The following PACRGL variants were observed in gnomAD, a reference collection of about 807,000 sequenced individuals.
PACRGL encodes PACRG-like protein.
Under a neutral mutation model 34.5 loss-of-function variants are expected in PACRGL, and 38 were observed. That is an observed-to-expected ratio of 1.10 (90% CI 0.85 to 1.44). The LOEUF is 1.44. Among genes scored for constraint, PACRGL ranks in the 40% most tolerant of loss-of-function variants. PACRGL has a pLI of 0.00. For missense variants in PACRGL, 305 were observed against 281.4 expected (o/e 1.08, Z -0.60); for synonymous variants, 128 against 100.1 (o/e 1.28, Z -1.66).
At chr4:20,735,119 C>CAAT (rs1560410650), downstream of PACRGL, among the ~76,000 whole-genome samples, 21 of 151,708 alleles carry the variant, frequency 1.4e-4, no homozygotes, top group African/African-American at 5.1e-4. Flanking sequence ...AATGAAAAAC[C>CAAT]GTTTGCTAAT....
chr4:20,736,059 C>T (rs553779924), downstream of PACRGL, among the ~76,000 whole-genome samples: 1 of 152,112 alleles, frequency 6.6e-6, no homozygotes, highest in Non-Finnish European at 1.5e-5. Flanking sequence ...CCATATAGTT[C>T]AACATTTAAA....
chr4:20,697,309 G>T (rs988277164), upstream of PACRGL, among the ~76,000 whole-genome samples: 2 of 152,100 alleles, frequency 1.3e-5, no homozygotes, highest in Non-Finnish European at 2.9e-5. Context: ...AAAAGGCAGA[G>T]ATTTTCTTTA....
intron 8 of PACRGL, among the ~76,000 whole-genome samples, chr4:20,751,672 C>G (rs898571312): frequency 6.6e-6 from 1 of 151,996 alleles, no homozygotes; most frequent in Non-Finnish European, 1.5e-5. Context: ...CTCAAAACAA[C>G]GATGTTTGCT....
At chr4:20,709,845 CTTGTCAGTAA>C in intron 5 of PACRGL, 72 bp downstream of exon 5, 1 of 1,281,656 alleles carries the variant, frequency 7.8e-7, no homozygotes, top group African/African-American at 1.5e-5. Flanking sequence ...TACTTTGTAG[CTTGTCAGTAA>C]ATTTCATTCT....
intron 8 of PACRGL, among the ~76,000 whole-genome samples, chr4:20,748,588 A>AAATG (rs1418878450): frequency 1.2e-5 from 1 of 85,184 alleles, no homozygotes; most frequent in Non-Finnish European, 2.7e-5. Flanking sequence ...ATATATATAT[A>AAATG]TATATATATA....
chr4:20,760,171 T>A, the PACRGL span, among the ~76,000 whole-genome samples: 2 of 152,158 alleles, frequency 1.3e-5, no homozygotes, highest in African/African-American at 4.8e-5. Context: ...TAGTCTCTTT[T>A]AGTAGATTCT....
intron 3 of PACRGL, among the ~76,000 whole-genome samples, chr4:20,706,908 G>A (rs180897474): frequency 2.7e-4 from 41 of 152,048 alleles, no homozygotes; most frequent in African/African-American, 8.9e-4. Flanking sequence ...TAATTTGAAC[G>A]AATTTTCTCC....
intron 7 of PACRGL, among the ~76,000 whole-genome samples, chr4:20,722,669 A>G (rs552483687): frequency 2.0e-4 from 31 of 152,314 alleles, no homozygotes; most frequent in African/African-American, 7.0e-4. Flanking sequence ...CCTGTGAACC[A>G]AAGTTCCCAT....
chr4:20,764,029 G>A, the PACRGL span, among the ~76,000 whole-genome samples: 1 of 152,120 alleles, frequency 6.6e-6, no homozygotes, highest in Non-Finnish European at 1.5e-5. Flanking sequence ...GAAGCAGTAG[G>A]GTTCCTGGGT....
At chr4:20,713,318 GT>G in intron 6 of PACRGL, 113 bp from the exon 7 acceptor site, 1 of 729,854 alleles carries the variant, frequency 1.4e-6, no homozygotes, top group Non-Finnish European at 2.3e-6. Flanking sequence ...GATTGTAGAT[GT>G]TTAATCTTAT....
At chr4:20,712,945 C>G (rs1178905019) in intron 6 of PACRGL, 23 bp downstream of exon 6, 2 of 1,487,158 alleles carry the variant, frequency 1.3e-6, no homozygotes, top group Admixed American at 4.5e-5. Flanking sequence ...TTTCATTGTA[C>G]TTTATATTTG....
chr4:20,765,353 G>C, the PACRGL span, among the ~76,000 whole-genome samples: 59 of 152,272 alleles, frequency 3.9e-4, no homozygotes, highest in Admixed American at 7.2e-4. Context: ...TGTACACGGT[G>C]TATTTGTACC....
chr4:20,729,215 T>G lies in PACRGL; in HGVS notation c.*1874T>G, dbSNP rs1239008030. The G allele has an allele frequency of 6.6e-6, 1 of 151,834 alleles. No homozygotes were observed. Among genetic ancestry groups the G allele is most frequent in the Non-Finnish European group, 1.5e-5 (1 of 68,016 alleles). 9.4% of individuals were successfully genotyped at this position (151,834 alleles called of 1,614,324 possible). A position where few individuals can be genotyped will look rare whatever the true frequency, so the allele number is the denominator to read the frequency against. On this transcript the variant is annotated 3_prime_UTR_variant, in exon 9 of 9. Coordinates refer to ENST00000503585, the MANE Select transcript of PACRGL (RefSeq NM_001258345.3). The stretch of plus-strand genomic sequence containing the variant: ...TTAATGCTGTTAGGATTACTTGTTA[T>G]TAAGCATTACTATATACTGGAGGAT...
upstream of PACRGL, among the ~76,000 whole-genome samples, chr4:20,697,284 T>C (rs1302401250): frequency 6.6e-6 from 1 of 152,216 alleles, no homozygotes; most frequent in African/African-American, 2.4e-5. Flanking sequence ...GATTGCTTTG[T>C]CTGTAATTTG....
the PACRGL span, among the ~76,000 whole-genome samples, chr4:20,763,271 T>C: frequency 6.6e-6 from 1 of 152,196 alleles, no homozygotes; most frequent in African/African-American, 2.4e-5. Context: ...TTTGCTTTTT[T>C]GGATGAGGGA....
chr4:20,698,420 A>G (rs138058711), upstream of PACRGL, among the ~76,000 whole-genome samples: 1 of 152,290 alleles, frequency 6.6e-6, no homozygotes, highest in East Asian at 1.9e-4. Flanking sequence ...CCTAGAAGGT[A>G]TTACTCCTAT....
chr4:20,744,166 G>T (rs539525887), intron 8 of PACRGL, among the ~76,000 whole-genome samples: 1 of 152,276 alleles, frequency 6.6e-6, no homozygotes, highest in East Asian at 1.9e-4. Flanking sequence ...CTGTTGGTGG[G>T]ACTGTAAACT....
At chr4:20,706,011 A>C (rs766573928) in intron 3 of PACRGL, among the ~76,000 whole-genome samples, 2 of 151,342 alleles carry the variant, frequency 1.3e-5, no homozygotes, top group Non-Finnish European at 2.9e-5. Flanking sequence ...TAAATATTTG[A>C]GTTAAAAAAT....
intron 8 of PACRGL, among the ~76,000 whole-genome samples, chr4:20,750,118 C>T (rs1753325154): frequency 6.6e-6 from 1 of 152,134 alleles, no homozygotes; most frequent in Non-Finnish European, 1.5e-5. Context: ...ACCAATGAGA[C>T]AGAGATGAGT....
Sources: gnomAD v4.1 joint callset for allele counts (sites outside exome capture counted in the v4.1 genomes callset) on GRCh38, gnomAD v4.1.1 for gene constraint, MANE v1.5 for transcripts, NCBI Gene and HGNC (gene_info 2026-07-23, HGNC 2026-07-21) for gene names.